Variants in KCTD8 observed in about 807,000 individuals in gnomAD.
KCTD8 encodes potassium channel tetramerization domain containing 8.
In KCTD8, 27 loss-of-function variants were observed where a neutral mutation model predicts 31.5. That is an observed-to-expected ratio of 0.86 (90% CI 0.63 to 1.18). The LOEUF (loss-of-function observed/expected upper bound fraction) is 1.18. Ranked by LOEUF, KCTD8 falls within the 50% of genes most tolerant of loss-of-function variation. The pLI is 0.00. For missense variants in KCTD8, 658 were observed against 647.7 expected (o/e 1.02, Z -0.17); for synonymous variants, 290 against 280.0 (o/e 1.04, Z -0.36).
At chr4:44,398,183 T>G (rs1279217375) in intron 1 of KCTD8, among the ~76,000 whole-genome samples, 1 of 152,296 alleles carries the variant, frequency 6.6e-6, no homozygotes, top group East Asian at 1.9e-4. Flanking sequence ...TTTAAAGAGT[T>G]TAAAGCTTTT....
intron 1 of KCTD8, among the ~76,000 whole-genome samples, chr4:44,373,747 T>C (rs1318209195): frequency 2.6e-5 from 4 of 152,248 alleles, no homozygotes; most frequent in African/African-American, 7.2e-5. Flanking sequence ...CATCTTATTC[T>C]TGTATGTTTC....
chr4:44,420,382 G>A (rs575503073), intron 1 of KCTD8, among the ~76,000 whole-genome samples: 8 of 152,240 alleles, frequency 5.3e-5, no homozygotes, highest in South Asian at 4.1e-4. Flanking sequence ...CAAAATACAC[G>A]TGGACAATCG....
At chr4:44,281,266 T>C (rs1241731585) in intron 1 of KCTD8, among the ~76,000 whole-genome samples, 1 of 152,148 alleles carries the variant, frequency 6.6e-6, no homozygotes, top group Non-Finnish European at 1.5e-5. Context: ...CATTCCTGGT[T>C]GTTGAGTCTC....
At chr4:44,311,957 T>A (rs1315813234) in intron 1 of KCTD8, among the ~76,000 whole-genome samples, 1 of 151,594 alleles carries the variant, frequency 6.6e-6, no homozygotes, top group Non-Finnish European at 1.5e-5. Context: ...CACACTTTTG[T>A]AGACACCCAT....
At chr4:44,426,309 C>A (rs1278975364) in intron 1 of KCTD8, among the ~76,000 whole-genome samples, 1 of 130,746 alleles carries the variant, frequency 7.6e-6, no homozygotes, top group Non-Finnish European at 1.8e-5. Flanking sequence ...GAAATCAAAC[C>A]CACCAAAAAA....
At chr4:44,426,811 G>C (rs940050740) in intron 1 of KCTD8, among the ~76,000 whole-genome samples, 8 of 151,528 alleles carry the variant, frequency 5.3e-5, no homozygotes, top group Admixed American at 4.6e-4. Flanking sequence ...AACAGAGAAA[G>C]AAACAAATCT....
intron 1 of KCTD8, among the ~76,000 whole-genome samples, chr4:44,359,795 G>T (rs866313467): frequency 6.6e-6 from 1 of 152,032 alleles, no homozygotes; most frequent in African/African-American, 2.4e-5. Flanking sequence ...CCAGATAAGG[G>T]AGGTGTTATT....
At chr4:44,375,240 T>C (rs1719889914) in intron 1 of KCTD8, among the ~76,000 whole-genome samples, 1 of 150,644 alleles carries the variant, frequency 6.6e-6, no homozygotes, top group African/African-American at 2.4e-5. Flanking sequence ...ATGCTGGGAG[T>C]GTGAGGTAAG....
chr4:44,331,420 A>C (rs1209969151), intron 1 of KCTD8, among the ~76,000 whole-genome samples: 1 of 151,788 alleles, frequency 6.6e-6, no homozygotes, highest in South Asian at 2.1e-4. Flanking sequence ...ATTTTGGAAA[A>C]TATGTCTGCC....
Position 44,448,485 on chromosome 4 carries a change from G to C in KCTD8, c.39C>G (p.Ile13Met), listed in dbSNP as rs751345196. Residue 13 changes from isoleucine to methionine, a missense_variant, in exon 1 of 2, where the codon ATC becomes ATG. Transcript: ENST00000360029. This position sits in a 1 kb window ranked among gnomAD's most constrained non-coding sequence, Gnocchi z 4.1. ...LKDTGSGGSTILPISEMVSSS... is the reference protein window; with the variant it reads ...LKDTGSGGSTMLPISEMVSSS... ...AGGAAACCATCTCGCTAATGGGCAG[G>C]ATGGTGCTGCCGCCGCTGCCCGTGT... 1.3e-6 allele frequency: 2 copies of C among 1,514,424 alleles called. No homozygotes were observed. Among genetic ancestry groups the C allele is most frequent in the Non-Finnish European group, 1.8e-6 (2 of 1,137,512 alleles). The allele number at this position is 1,514,424 out of a possible 1,614,324, so 93.8% of individuals were successfully genotyped here. A position where few individuals can be genotyped will look rare whatever the true frequency, so the allele number is the denominator to read the frequency against.
At chr4:44,313,555 A>T (rs1718015761) in intron 1 of KCTD8, among the ~76,000 whole-genome samples, 1 of 152,240 alleles carries the variant, frequency 6.6e-6, no homozygotes, top group African/African-American at 2.4e-5. Context: ...AGCAATGAGT[A>T]GATTTGTTAA....
Position 44,175,149 on chromosome 4 carries a change from G to A in KCTD8, c.1063C>T (p.Leu355Phe). The A allele has an allele frequency of 6.2e-7, 1 of 1,613,774 alleles. No individual in the cohort carries two copies. Among genetic ancestry groups the A allele is most frequent in the Non-Finnish European group, 8.5e-7 (1 of 1,179,834 alleles). ...GSESGTSCNE[L>F]STSSCDSHSE... Reference sequence around the variant, plus strand: ...TGGCTGTCACAACTGGAAGTGGAGAGCTCATTACAGGAAGTCCCACTTTCA... The same window carrying A: ...TGGCTGTCACAACTGGAAGTGGAGAACTCATTACAGGAAGTCCCACTTTCA... Residue 355 changes from leucine (L) to phenylalanine (F), a missense_variant, in exon 2 of 2, where the codon CTC becomes TTC. By Grantham distance (22) the Leu-to-Phe change is conservative. Coordinates refer to ENST00000360029, the MANE Select transcript of KCTD8 (RefSeq NM_198353.3).
At chr4:44,386,255 A>G (rs1720208054) in intron 1 of KCTD8, among the ~76,000 whole-genome samples, 1 of 151,654 alleles carries the variant, frequency 6.6e-6, no homozygotes, top group Admixed American at 6.6e-5. Context: ...AGTCATGTTT[A>G]GAGACGCCAT....
chr4:44,391,544 A>T (rs1462024638), intron 1 of KCTD8, among the ~76,000 whole-genome samples: 1 of 151,772 alleles, frequency 6.6e-6, no homozygotes, highest in African/African-American at 2.4e-5. Context: ...ATTTTCTTAG[A>T]AACATTTTCT....
intron 1 of KCTD8, among the ~76,000 whole-genome samples, chr4:44,300,079 C>T (rs1314864963): frequency 1.3e-5 from 2 of 152,006 alleles, no homozygotes; most frequent in Non-Finnish European, 2.9e-5. Flanking sequence ...AATAACCTGA[C>T]TCTTGACTAT....
chr4:44,283,155 T>G (rs2109380011), intron 1 of KCTD8, among the ~76,000 whole-genome samples: 1 of 151,760 alleles, frequency 6.6e-6, no homozygotes, highest in East Asian at 2.0e-4. Flanking sequence ...GTCCAAGATA[T>G]TCTCCCGCTT....
At chr4:44,381,265 C>T (rs1720055430) in intron 1 of KCTD8, among the ~76,000 whole-genome samples, 1 of 151,940 alleles carries the variant, frequency 6.6e-6, no homozygotes, top group Non-Finnish European at 1.5e-5. Flanking sequence ...TGCTTATCTC[C>T]AATTTACAAA....
chr4:44,422,391 T>C (rs1721235792), intron 1 of KCTD8, among the ~76,000 whole-genome samples: 1 of 152,052 alleles, frequency 6.6e-6, no homozygotes, highest in Admixed American at 6.6e-5. Flanking sequence ...GAGACAGAAC[T>C]AACATCCATA....
intron 1 of KCTD8, among the ~76,000 whole-genome samples, chr4:44,277,239 T>G (rs1006774482): frequency 4.0e-5 from 6 of 151,722 alleles, no homozygotes; most frequent in Non-Finnish European, 8.8e-5. Flanking sequence ...AAATCCCAAA[T>G]AAGACAAAAC....
Sources: gnomAD v4.1 joint callset for allele counts (sites outside exome capture counted in the v4.1 genomes callset) on GRCh38, gnomAD v4.1.1 for gene constraint, Gnocchi (gnomAD v3.1) non-coding constraint, MANE v1.5 for transcripts, NCBI Gene and HGNC (gene_info 2026-07-23, HGNC 2026-07-21) for gene names.